The following SRCAP variants were observed in gnomAD, a reference collection of about 807,000 sequenced individuals.
SRCAP encodes the protein chromatin remodeling protein SRCAP.
SRCAP carries 46 observed loss-of-function variants against 263.1 expected under a neutral mutation model. That is an observed-to-expected ratio of 0.17 (90% CI 0.14 to 0.22). The LOEUF is 0.22. Ranked by LOEUF, SRCAP falls within the 10% of genes least tolerant of loss-of-function variation. The pLI, the probability that SRCAP is intolerant of heterozygous loss-of-function variation, is 1.00. For synonymous variants in SRCAP, 1,813 were observed against 1,662.1 expected, an observed-to-expected ratio of 1.09 and a Z score of -2.21; for missense variants, 3,695 against 4,181.9, an observed-to-expected ratio of 0.88 and a Z score of 3.21.
intron 10 of SRCAP, 38 bp from the exon 11 acceptor site, chr16:30,711,533 C>T (rs1422506249): frequency 1.1e-5 from 17 of 1,542,282 alleles, no homozygotes; most frequent in Non-Finnish European, 1.5e-5. Flanking sequence ...CTTCTCCCTC[C>T]CCTCAGAGCA....
intron 6 of SRCAP, among the ~76,000 whole-genome samples, chr16:30,708,004 TC>T (rs2052846440): frequency 6.6e-6 from 1 of 152,342 alleles, no homozygotes; most frequent in South Asian, 2.1e-4. Flanking sequence ...CCGTCAAAGT[TC>T]CCACTGCCTG....
In SRCAP at chr16:30,738,568, A is replaced by G. The variant is rs2053185483; in HGVS notation, c.8528A>G (p.Asn2843Ser). Reference protein sequence around the residue: ...LGVTGGGSPENGDGALLAITP... With the variant: ...LGVTGGGSPESGDGALLAITP... ...GTGACTGGTGGTGGCAGCCCCGAGA[A>G]TGGAGACGGAGCACTGCTCGCCATC... is the stretch of plus-strand genomic sequence containing the variant. Residue 2843 changes from asparagine (N) to serine (S), a missense_variant, in exon 34 of 34, where the codon AAT becomes AGT. Asn to Ser is a conservative substitution (Grantham distance 46, BLOSUM62 1). Coordinates refer to ENST00000262518, the MANE Select transcript of SRCAP (RefSeq NM_006662.3). 1 of 1,609,630 alleles carries G rather than the reference A, an allele frequency of 6.2e-7. No individual in the cohort carries two copies.
Position 30,723,888 on chromosome 16 carries a change from T to C in SRCAP, c.4464T>C (p.Pro1488=). ...PPLAPVVPAA[P]GPPSLAPSGA... ...TGGCACCTGTTGTCCCAGCGGCTCC[T>C]GGACCTCCCTCCTTGGCACCATCTG... is the stretch of plus-strand genomic sequence containing the variant. Residue 1488 remains proline (P), a synonymous_variant, in exon 25 of 34, where the codon CCT becomes CCC. Coordinates refer to ENST00000262518, the MANE Select transcript of SRCAP (RefSeq NM_006662.3). The C allele has an allele frequency of 6.2e-7, 1 of 1,614,152 alleles. No homozygotes were observed. Among genetic ancestry groups the C allele is most frequent in the Non-Finnish European group, 8.5e-7 (1 of 1,180,014 alleles).
Position 30,721,466 on chromosome 16 carries a change from T to C in SRCAP, c.3531T>C (p.Ala1177=). Residue 1177 remains alanine (A), a synonymous_variant, in exon 21 of 34, where the codon GCT becomes GCC. Transcript: ENST00000262518. ...QRLILSPDMQ[A]RLPSGEVVSI... is the part of the protein sequence containing the mutation. ...TCATTCTATCTCCCGATATGCAGGC[T>C]CGCCTGCCCTGTAAGTTCCCAGGGC... 1 of 1,609,584 alleles carries C rather than the reference T, an allele frequency of 6.2e-7. No individual in the cohort carries two copies. The highest frequency in any genetic ancestry group is 1.3e-5 in the African/African-American group (1 of 75,076).
At chr16:30,722,078 AGC>A in intron 21 of SRCAP, 42 bp from the exon 22 acceptor site, 8 of 1,586,430 alleles carry the variant, frequency 5.0e-6, no homozygotes, top group Non-Finnish European at 6.9e-6. Flanking sequence ...AGTGGTGTTG[AGC>A]AGGATGAGCC....
intron 25 of SRCAP, among the ~76,000 whole-genome samples, chr16:30,728,062 A>G (rs1215289533): frequency 6.6e-6 from 1 of 152,188 alleles, no homozygotes; most frequent in Non-Finnish European, 1.5e-5. Context: ...TCCGTCTGCT[A>G]GGACACCTTT....
At chr16:30,735,738 G>A (rs556760731) in intron 31 of SRCAP, among the ~76,000 whole-genome samples, 62 of 151,536 alleles carry the variant, frequency 4.1e-4, no homozygotes, top group Non-Finnish European at 7.2e-4. Flanking sequence ...GTGCCACCAC[G>A]CTCAGCTAAT....
At chr16:30,706,957 G>A (rs1395306537) in intron 4 of SRCAP, among the ~76,000 whole-genome samples, 1 of 152,146 alleles carries the variant, frequency 6.6e-6, no homozygotes, top group Non-Finnish European at 1.5e-5. Context: ...TTCTAGCTGT[G>A]TGATCTTGGG....
At chr16:30,723,483 T>G in intron 24 of SRCAP, 101 bp from the exon 25 acceptor site, 1 of 1,512,718 alleles carries the variant, frequency 6.6e-7, no homozygotes, top group Non-Finnish European at 8.8e-7. Flanking sequence ...AGTGAATGCC[T>G]TCTGGGAAAT....
chr16:30,721,436 G>C lies in SRCAP; in HGVS notation c.3501G>C (p.Gln1167His), dbSNP rs1210081631. 6.2e-7 allele frequency: 1 copy of C among 1,612,582 alleles called. No individual in the cohort carries two copies. The highest frequency in any genetic ancestry group is 1.3e-5 in the African/African-American group (1 of 74,946). ...TGCCAGCTCCGACTCCTGCACCACA[G>C]CGCCTCATTCTATCTCCCGATATGC... ...TAVPAPTPAPQRLILSPDMQA... is the reference protein window; with the variant it reads ...TAVPAPTPAPHRLILSPDMQA... Residue 1167 changes from glutamine (Q) to histidine (H), a missense_variant, in exon 21 of 34, where the codon CAG (glutamine) becomes CAC (histidine). Physicochemically the swap from Gln to His is conservative, Grantham distance 24. Coordinates refer to ENST00000262518, the MANE Select transcript of SRCAP (RefSeq NM_006662.3).
intron 12 of SRCAP, 46 bp downstream of exon 12, chr16:30,712,203 C>T: frequency 6.2e-7 from 1 of 1,602,126 alleles, no homozygotes; most frequent in South Asian, 1.1e-5. Context: ...TTGACTTTCT[C>T]ATGTCCCCAC....
rs763992937 is a variant in SRCAP at position 30,729,148 on chromosome 16, C to A, written c.5841C>A (p.Thr1947=). ...GPRSPGPSHP[T]FWTYTEAAHR... ...GTTCTCCTGGCCCCAGCCACCCCAC[C>A]TTTTGGACTTATACCGAGGCTGCCC... The change falls in exon 26 of 34, where the codon ACC becomes ACA. Residue 1947 remains threonine, a synonymous_variant. Coordinates refer to ENST00000262518, the MANE Select transcript of SRCAP (RefSeq NM_006662.3). The A allele has an allele frequency of 6.2e-7, 1 of 1,614,204 alleles. No homozygotes were observed. Among genetic ancestry groups the A allele is most frequent in the Non-Finnish European group, 8.5e-7 (1 of 1,180,034 alleles).
intron 4 of SRCAP, among the ~76,000 whole-genome samples, chr16:30,706,851 C>T (rs2151286077): frequency 6.6e-6 from 1 of 152,234 alleles, no homozygotes; most frequent in Non-Finnish European, 1.5e-5. Context: ...TCTCCTATGT[C>T]TATGGGGTGT....
intron 30 of SRCAP, chr16:30,734,278 G>A (rs2053138816): frequency 3.0e-6 from 2 of 665,034 alleles, no homozygotes; most frequent in African/African-American, 1.8e-5. Flanking sequence ...AAGAGGCGGA[G>A]GTTGCAGTGA....
At chr16:30,729,280 T>G (rs1388836584) in intron 26 of SRCAP, 49 bp downstream of exon 26, 1 of 1,596,276 alleles carries the variant, frequency 6.3e-7, no homozygotes, top group South Asian at 1.1e-5. Flanking sequence ...GGCCTCAGAG[T>G]GGATGTAGTG....
chr16:30,704,468 A>G (rs1169717337), intron 4 of SRCAP, among the ~76,000 whole-genome samples, 153 bp downstream of exon 4: 1 of 152,186 alleles, frequency 6.6e-6, no homozygotes, highest in African/African-American at 2.4e-5. Context: ...AACTGCTTGA[A>G]TATTGAGTCT....
intron 3 of SRCAP, 87 bp downstream of exon 3, chr16:30,700,965 G>A: frequency 6.9e-7 from 1 of 1,449,862 alleles, no homozygotes; most frequent in Admixed American, 1.7e-5. Context: ...GGGAATATTT[G>A]TGGAGAGTTT....
chr16:30,734,704 AAG>A (rs2053143243), intron 31 of SRCAP, 89 bp downstream of exon 31: 3 of 1,572,296 alleles, frequency 1.9e-6, no homozygotes, highest in Admixed American at 1.8e-5. Context: ...GTCCAGGGGA[AAG>A]AGATGTTTCT....
chr16:30,737,586 G>A lies in SRCAP; in HGVS notation c.7546G>A (p.Ala2516Thr). 1 of 1,613,920 alleles carries A rather than the reference G, an allele frequency of 6.2e-7. No homozygotes were observed. Among genetic ancestry groups the A allele is most frequent in the South Asian group, 1.1e-5 (1 of 91,080 alleles). The change falls in exon 34 of 34, where the codon GCC (alanine) becomes ACC (threonine). Residue 2516 changes from alanine (A) to threonine (T), a missense_variant. Coordinates refer to ENST00000262518, the MANE Select transcript of SRCAP (RefSeq NM_006662.3). ...TCCACCAGCTCATACACCGCCTCCAGCCCAAACCTGTCTTGTAACTCCTTC... is the reference window on the plus strand; with the variant it reads ...TCCACCAGCTCATACACCGCCTCCAACCCAAACCTGTCTTGTAACTCCTTC... ...TPPPAHTPPP[A>T]QTCLVTPSSP...
Sources: allele counts gnomAD v4.1 joint callset (sites outside exome capture counted in the v4.1 genomes callset), GRCh38; gene constraint gnomAD v4.1.1; transcripts MANE v1.5; gene names NCBI Gene and HGNC (gene_info 2026-07-23, HGNC 2026-07-21).